ZBTB40: variants seen among roughly 807,000 people sequenced by gnomAD.
ZBTB40 encodes zinc finger and BTB domain containing 40.
A neutral mutation model predicts 117.5 loss-of-function variants in ZBTB40; 60 were observed. That is an observed-to-expected ratio of 0.51 (90% CI 0.41 to 0.63). The LOEUF is 0.63. Ranked by LOEUF, ZBTB40 falls within the 30% of genes least tolerant of loss-of-function variation. The pLI is 0.00. For missense variants in ZBTB40, 1,287 were observed against 1,498.5 expected (o/e 0.86, Z 2.33); for synonymous variants, 525 against 577.1 (o/e 0.91, Z 1.29).
intron 15 of ZBTB40, 59 bp downstream of exon 15, chr1:22,521,717 G>A: frequency 6.2e-7 from 1 of 1,609,484 alleles, no homozygotes; most frequent in Non-Finnish European, 8.5e-7. Flanking sequence ...AGCCTCCTGG[G>A]CCCCACCAGA....
chr1:22,502,276 G>A (rs749319178), intron 4 of ZBTB40, 23 bp from the exon 5 acceptor site: 8 of 1,610,150 alleles, frequency 5.0e-6, no homozygotes, highest in East Asian at 2.2e-5. Context: ...TCTCTTGTGT[G>A]TCTCTAACTC....
intron 1 of ZBTB40, among the ~76,000 whole-genome samples, chr1:22,460,938 T>C (rs769821910): frequency 5.3e-5 from 8 of 152,194 alleles, no homozygotes; most frequent in Non-Finnish European, 5.9e-5. Context: ...CCTTTACTGC[T>C]TCTCATGTGC....
intron 16 of ZBTB40, 67 bp from the exon 17 acceptor site, chr1:22,524,151 T>C: frequency 1.4e-6 from 2 of 1,463,968 alleles, no homozygotes; most frequent in Non-Finnish European, 1.9e-6. Context: ...CTTCCTGCCC[T>C]CATTTCTCTC....
At chr1:22,486,681 G>A (rs999697891) in intron 1 of ZBTB40, among the ~76,000 whole-genome samples, 13 of 151,976 alleles carry the variant, frequency 8.6e-5, no homozygotes, top group Non-Finnish European at 1.3e-4. Flanking sequence ...TCTTAACCTG[G>A]CACTTGTTCC....
chr1:22,498,191 G>A (rs1638829546), intron 3 of ZBTB40, among the ~76,000 whole-genome samples: 1 of 152,136 alleles, frequency 6.6e-6, no homozygotes, highest in Non-Finnish European at 1.5e-5. Flanking sequence ...ATTTATTGAA[G>A]TACCTTTACC....
At chr1:22,482,717 C>T (rs1044418475) in intron 1 of ZBTB40, among the ~76,000 whole-genome samples, 2 of 152,124 alleles carry the variant, frequency 1.3e-5, no homozygotes, top group Admixed American at 1.3e-4. Flanking sequence ...TTTTCCAGAA[C>T]GTCATATATT....
intron 1 of ZBTB40, among the ~76,000 whole-genome samples, chr1:22,487,734 T>G (rs575446199): frequency 5.9e-5 from 9 of 152,246 alleles, no homozygotes; most frequent in African/African-American, 2.2e-4. Context: ...CACATGTTAC[T>G]TAGGTGGTAT....
In ZBTB40 at chr1:22,501,515, T is replaced by C. The variant is rs545224543; in HGVS notation, c.855T>C (p.Gly285=). 2.8e-5 allele frequency: 46 copies of C among 1,614,070 alleles called. 1 individual carries two copies. In the South Asian group the frequency reaches 4.6e-4, roughly 16 times the overall value. ...AGATGATAGTGAAATGTTTCGAGGG[T>C]GAAGGAGGACATTCAGCATTCCAGA... ...QKEMIVKCFE[G]EGGHSAFQRI... is the part of the protein sequence containing the mutation. Residue 285 remains glycine, a synonymous_variant, in exon 4 of 18, where the codon GGT becomes GGC. Transcript: ENST00000375647.
intron 1 of ZBTB40, among the ~76,000 whole-genome samples, chr1:22,429,340 C>T (rs1228405547): frequency 6.6e-6 from 1 of 151,670 alleles, no homozygotes; most frequent in Admixed American, 6.6e-5. Context: ...GACATAGCGC[C>T]GTTGCACTCC....
At position 22,529,103 on chromosome 1, in the gene ZBTB40, A is replaced by G. The variant is rs1464127873; in HGVS notation, c.*2707A>G. 2.6e-5 allele frequency: 4 copies of G among 152,350 alleles called. No individual in the cohort carries two copies. The highest frequency in any genetic ancestry group is 9.7e-5 in the African/African-American group (4 of 41,450). 9.4% of individuals were successfully genotyped at this position (152,350 alleles called of 1,614,324 possible). On this transcript the variant is annotated 3_prime_UTR_variant, in exon 18 of 18. Coordinates refer to ENST00000375647, the MANE Select transcript of ZBTB40 (RefSeq NM_014870.4). ...TCTTGCTCTCTAGAGAAGCCCAGGC[A>G]TGGATCTTATAGGAAAACTTTCTGA...
intron 13 of ZBTB40, among the ~76,000 whole-genome samples, chr1:22,519,236 C>A (rs1314650374): frequency 6.6e-6 from 1 of 152,180 alleles, no homozygotes; most frequent in Non-Finnish European, 1.5e-5. Flanking sequence ...ATTTCTGTTG[C>A]TTTAAGAAAA....
In ZBTB40 at chr1:22,513,092, C is replaced by T; in HGVS notation, c.2630C>T (p.Ser877Phe). 1 of 1,614,166 alleles carries T rather than the reference C, an allele frequency of 6.2e-7. No homozygotes were observed. Among genetic ancestry groups the T allele is most frequent in the Non-Finnish European group, 8.5e-7 (1 of 1,180,034 alleles). The change falls in exon 12 of 18, where the codon TCC becomes TTC. Residue 877 changes from serine (S) to phenylalanine (F), a missense_variant. Coordinates refer to ENST00000375647, the MANE Select transcript of ZBTB40 (RefSeq NM_014870.4). This position sits in a 1 kb window ranked among gnomAD's most constrained non-coding sequence, Gnocchi z 4.9. ...KHCLMTFTQA[S>F]ALAYHTKKKH... The stretch of plus-strand genomic sequence containing the variant: ...TGCCTCATGACCTTCACCCAGGCCT[C>T]CGCCCTGGCCTATCACACCAAGAAG...
upstream of ZBTB40, among the ~76,000 whole-genome samples, chr1:22,451,033 G>T (rs191266479): frequency 9.9e-5 from 15 of 152,248 alleles, no homozygotes. Flanking sequence ...GGTGGCAAGG[G>T]GACGCTTCAA....
Position 22,431,384 on chromosome 1 carries a change from G to GTGTA in ZBTB40, c.-70+2371_-70+2372insGTAT, listed in dbSNP as rs1222294324. On this transcript the variant is annotated intron_variant, in intron 1 of 8. Coordinates refer to the ZBTB40 transcript ENST00000650433. ...ATTTTGTGTGTGTGTGTGTGTGTGT[G>GTGTA]TATATATATATATATATATATATAT... is the stretch of plus-strand genomic sequence containing the variant. Among the ~76,000 whole-genome samples, 265 of 119,684 alleles carry GTGTA rather than the reference G, an allele frequency of 2.2e-3. 8 individuals carry two copies. The highest frequency in any genetic ancestry group is 9.1e-3 in the African/African-American group (246 of 26,948). The allele number at this position is 119,684 out of a possible 152,430, so 78.5% of individuals were successfully genotyped here.
intron 9 of ZBTB40, among the ~76,000 whole-genome samples, chr1:22,510,434 G>A (rs571448715): frequency 6.6e-6 from 1 of 152,286 alleles, no homozygotes; most frequent in African/African-American, 2.4e-5. Context: ...TCACTAATTA[G>A]TCTCATGCCT....
intron 1 of ZBTB40, among the ~76,000 whole-genome samples, chr1:22,462,690 C>T (rs896291947): frequency 6.6e-6 from 1 of 152,134 alleles, no homozygotes; most frequent in African/African-American, 2.4e-5. Context: ...AAGTCCTTTG[C>T]ATCTTCTAAT....
intron 1 of ZBTB40, among the ~76,000 whole-genome samples, chr1:22,477,888 T>G (rs141730409): frequency 5.3e-5 from 8 of 152,286 alleles, no homozygotes; most frequent in African/African-American, 1.2e-4. Context: ...TTTCTTGCCT[T>G]CCTTCTTCCC....
At chr1:22,463,621 C>T (rs531917552) in intron 1 of ZBTB40, among the ~76,000 whole-genome samples, 3 of 152,290 alleles carry the variant, frequency 2.0e-5, no homozygotes, top group Admixed American at 1.3e-4. Flanking sequence ...ATACATGTGT[C>T]GCTCAGGAGA....
rs374663170 is a variant in ZBTB40, at chr1:22,473,730, G to A, written c.-69-16150G>A. 8.5e-5 allele frequency among the ~76,000 whole-genome samples: 13 copies of A among 152,168 alleles called. 1 individual carries two copies. The highest frequency in any genetic ancestry group is 7.2e-4 in the Admixed American group (11 of 15,276). ...AACTGCTCATTTTAAGTAACCAAGC[G>A]TTGACAGCTATACTCTTAATGGCTT... On this transcript the variant is annotated intron_variant, in intron 1 of 17. Transcript: ENST00000375647.
Sources: gnomAD v4.1 joint callset for allele counts (sites outside exome capture counted in the v4.1 genomes callset) on GRCh38, gnomAD v4.1.1 for gene constraint, Gnocchi (gnomAD v3.1) non-coding constraint, MANE v1.5 for transcripts, NCBI Gene and HGNC (gene_info 2026-07-23, HGNC 2026-07-21) for gene names.